Variants in LRRC1 observed in about 807,000 individuals in gnomAD.
The protein encoded by LRRC1 is leucine rich repeat containing 1.
In LRRC1, 28 loss-of-function variants were observed where a neutral mutation model predicts 69.9. The ratio of observed to expected loss-of-function variants is 0.40; its 90% CI spans 0.30 to 0.55. LRRC1 has a LOEUF of 0.55. LRRC1 is among the 20% of genes least tolerant of loss of function. LRRC1 has a pLI of 0.47. For missense variants in LRRC1, 498 were observed against 609.0 expected, an observed-to-expected ratio of 0.82 and a Z score of 1.92; for synonymous variants, 236 against 240.2, an observed-to-expected ratio of 0.98 and a Z score of 0.16.
At chr6:53,830,547 A>G (rs1765397539) in intron 1 of LRRC1, among the ~76,000 whole-genome samples, 1 of 152,176 alleles carries the variant, frequency 6.6e-6, no homozygotes, top group Admixed American at 6.5e-5. Flanking sequence ...TGTTTGCATA[A>G]CTGTTTGTGA....
intron 11 of LRRC1, among the ~76,000 whole-genome samples, chr6:53,918,021 G>T (rs534924058): frequency 6.6e-6 from 1 of 152,354 alleles, no homozygotes; most frequent in East Asian, 1.9e-4. Flanking sequence ...AGAGGAAAAA[G>T]AAATGGAATT....
intron 2 of LRRC1, among the ~76,000 whole-genome samples, chr6:53,862,838 C>A (rs1035528043): frequency 1.3e-5 from 2 of 151,974 alleles, no homozygotes; most frequent in Non-Finnish European, 2.9e-5. Context: ...ATTTTTTTCC[C>A]CCTGCACACC....
intron 1 of LRRC1, among the ~76,000 whole-genome samples, chr6:53,829,198 G>A (rs1259974314): frequency 6.6e-6 from 1 of 152,166 alleles, no homozygotes; most frequent in Non-Finnish European, 1.5e-5. Flanking sequence ...TCCTGGCACA[G>A]ACACATCTAT....
At chr6:53,819,240 A>G (rs12195491) in intron 1 of LRRC1, among the ~76,000 whole-genome samples, 23,483 of 152,138 alleles carry the variant, frequency 0.15, 1,949 homozygotes, top group African/African-American at 0.18. Flanking sequence ...GGAGAAAGGA[A>G]GTTCGGGTAT....
chr6:53,824,883 T>G (rs1008023586), intron 1 of LRRC1, among the ~76,000 whole-genome samples: 1 of 152,236 alleles, frequency 6.6e-6, no homozygotes, highest in African/African-American at 2.4e-5. Context: ...TGGCCCATGC[T>G]TGAATGGGGA....
intron 2 of LRRC1, among the ~76,000 whole-genome samples, chr6:53,845,066 T>G (rs1470415672): frequency 6.6e-6 from 1 of 152,106 alleles, no homozygotes; most frequent in East Asian, 1.9e-4. Flanking sequence ...TAACCAGGCT[T>G]GGTGGCACGT....
intron 11 of LRRC1, among the ~76,000 whole-genome samples, chr6:53,915,977 A>G (rs1286030169): frequency 2.6e-5 from 4 of 151,888 alleles, no homozygotes; most frequent in African/African-American, 7.2e-5. Context: ...TTTCAAGTAT[A>G]TGAAAATAAC....
chr6:53,876,770 A>G (rs1385829007), intron 2 of LRRC1, among the ~76,000 whole-genome samples: 2 of 152,194 alleles, frequency 1.3e-5, no homozygotes, highest in African/African-American at 4.8e-5. Flanking sequence ...GGTCTTGGAC[A>G]GCTCTGCCCC....
intron 1 of LRRC1, among the ~76,000 whole-genome samples, chr6:53,829,123 A>C (rs575187800): frequency 6.6e-6 from 1 of 152,342 alleles, no homozygotes; most frequent in Admixed American, 6.5e-5. Flanking sequence ...CTTGGGCTCC[A>C]CAGTGCACCT....
intron 4 of LRRC1, among the ~76,000 whole-genome samples, chr6:53,891,756 G>T (rs1767691236): frequency 6.6e-6 from 1 of 152,070 alleles, no homozygotes; most frequent in African/African-American, 2.4e-5. Context: ...GGCCTAGGTA[G>T]GCAGATCACC....
chr6:53,833,391 A>G (rs1028341706), intron 1 of LRRC1, among the ~76,000 whole-genome samples: 20 of 152,176 alleles, frequency 1.3e-4, no homozygotes, highest in African/African-American at 4.6e-4. Flanking sequence ...TTTGTTTAGG[A>G]TCATTAATGG....
chr6:53,833,490 A>G (rs1417349718), intron 1 of LRRC1, among the ~76,000 whole-genome samples: 1 of 152,234 alleles, frequency 6.6e-6, no homozygotes, highest in African/African-American at 2.4e-5. Flanking sequence ...AGGCCAGAAA[A>G]ATTAGAAAGA....
Position 53,913,877 on chromosome 6 carries a change from T to C in LRRC1, c.1014T>C (p.Thr338=), listed in dbSNP as rs187209436. 2,450 of 1,609,258 alleles carry C rather than the reference T, an allele frequency of 1.5e-3. 2 individuals carry two copies. The highest frequency in any genetic ancestry group is 1.8e-3 in the Non-Finnish European group (2,161 of 1,176,582). ...AGATCGGCGGGTGCTGCAGCCTCACTGTGTTCTGTGTACGTGACAACAGAC... is the reference window on the plus strand; with the variant it reads ...AGATCGGCGGGTGCTGCAGCCTCACCGTGTTCTGTGTACGTGACAACAGAC... ...PKEIGGCCSL[T]VFCVRDNRLT... is the part of the protein sequence containing the mutation. Residue 338 remains threonine, a synonymous_variant, in exon 11 of 14, where the codon ACT becomes ACC. Coordinates refer to ENST00000370888, the MANE Select transcript of LRRC1 (RefSeq NM_018214.5).
chr6:53,802,517 G>A (rs890284827), intron 1 of LRRC1, among the ~76,000 whole-genome samples: 2 of 152,150 alleles, frequency 1.3e-5, no homozygotes, highest in South Asian at 2.1e-4. Flanking sequence ...ATTGTGGGGT[G>A]CCCTTGTAAG....
chr6:53,867,428 A>G (rs1181487123), intron 2 of LRRC1, among the ~76,000 whole-genome samples: 1 of 152,172 alleles, frequency 6.6e-6, no homozygotes, highest in East Asian at 1.9e-4. Flanking sequence ...TTTATTTCTA[A>G]AGTATGACTA....
chr6:53,922,693 C>T lies in LRRC1; in HGVS notation c.1475C>T (p.Thr492Ile). 1.2e-6 allele frequency: 2 copies of T among 1,614,134 alleles called. No individual in the cohort carries two copies. Among genetic ancestry groups the T allele is most frequent in the Non-Finnish European group, 1.7e-6 (2 of 1,179,980 alleles). The change falls in exon 14 of 14, where the codon ACA (threonine) becomes ATA (isoleucine). Residue 492 changes from threonine (T) to isoleucine (I), a missense_variant. This residue lies in a region of LRRC1 where 162 missense variants were observed against 162.9 expected (regional missense o/e 0.99). Coordinates refer to ENST00000370888, the MANE Select transcript of LRRC1 (RefSeq NM_018214.5). ...HPGELKHMKKTVENLRNDMNA... is the reference protein window; with the variant it reads ...HPGELKHMKKIVENLRNDMNA... ...GGGGAGTTAAAGCACATGAAAAAGA[C>T]AGTGGAGAATTTACGGAATGACATG...
At chr6:53,797,165 TCCCATG>T (rs1322506939) in intron 1 of LRRC1, among the ~76,000 whole-genome samples, 2 of 151,562 alleles carry the variant, frequency 1.3e-5, no homozygotes, top group Admixed American at 6.6e-5. Flanking sequence ...TTACATAATT[TCCCATG>T]CCAAGCCGAA....
intron 4 of LRRC1, among the ~76,000 whole-genome samples, chr6:53,894,508 T>A (rs571094296): frequency 2.7e-4 from 41 of 152,342 alleles, no homozygotes; most frequent in Non-Finnish European, 5.9e-4. Flanking sequence ...CCTTCTTTCA[T>A]TAGTGGGTGT....
intron 2 of LRRC1, among the ~76,000 whole-genome samples, chr6:53,846,893 C>T (rs1433844533): frequency 1.3e-5 from 2 of 152,320 alleles, no homozygotes; most frequent in East Asian, 3.9e-4. Context: ...TAGGATCTTG[C>T]TATTCAAGAA....
Sources: allele counts gnomAD v4.1 joint callset (sites outside exome capture counted in the v4.1 genomes callset), GRCh38; gene constraint gnomAD v4.1.1; regional missense constraint gnomAD v4.1.1; transcripts MANE v1.5; gene names NCBI Gene and HGNC (gene_info 2026-07-23, HGNC 2026-07-21).